NOX4: variants seen among roughly 807,000 people sequenced by gnomAD.
NOX4 encodes the protein NADPH oxidase 4.
NOX4 carries 69 observed loss-of-function variants against 87.6 expected under a neutral mutation model. The observed-to-expected ratio is 0.79, with a 90% CI of 0.65 to 0.96. The LOEUF (loss-of-function observed/expected upper bound fraction) is 0.96, where lower values mean the gene tolerates loss of function less well. NOX4 is among the 40% of genes least tolerant of loss of function. NOX4 has a pLI of 0.00. For missense variants in NOX4, 680 were observed against 681.5 expected (o/e 1.00, Z 0.02); for synonymous variants, 275 against 238.2 (o/e 1.15, Z -1.42).
intron 14 of NOX4, 111 bp downstream of exon 14, chr11:89,341,963 G>A (rs1946021869): frequency 1.0e-6 from 1 of 986,058 alleles, no homozygotes; most frequent in East Asian, 2.8e-5. Context: ...GGAGGTCCTT[G>A]ATCAACAAGT....
the NOX4 span, among the ~76,000 whole-genome samples, chr11:89,567,618 C>T: frequency 2.0e-5 from 3 of 152,254 alleles, no homozygotes; most frequent in South Asian, 4.1e-4. Flanking sequence ...GGGGAAGCCT[C>T]TTATAAAACC....
At chr11:89,355,615 A>G (rs565184425) in intron 12 of NOX4, among the ~76,000 whole-genome samples, 3 of 152,224 alleles carry the variant, frequency 2.0e-5, no homozygotes, top group African/African-American at 7.2e-5. Context: ...TAGCATTTAC[A>G]TCATGTAGCA....
chr11:89,544,543 A>G, the NOX4 span, among the ~76,000 whole-genome samples: 1 of 152,032 alleles, frequency 6.6e-6, no homozygotes, highest in Non-Finnish European at 1.5e-5. Flanking sequence ...GCAGCATTGT[A>G]TCTTAACATA....
intron 12 of NOX4, among the ~76,000 whole-genome samples, chr11:89,355,644 G>T (rs953043221): frequency 4.6e-5 from 7 of 152,026 alleles, no homozygotes. Flanking sequence ...ACAGAAATTA[G>T]TCTCCCAAGA....
the NOX4 span, among the ~76,000 whole-genome samples, chr11:89,557,809 C>T: frequency 2.0e-5 from 3 of 152,048 alleles, no homozygotes; most frequent in Non-Finnish European, 4.4e-5. Flanking sequence ...GGGTAAATGA[C>T]TCTCTGTTAT....
chr11:89,471,636 T>C (rs1407339543), intron 2 of NOX4, among the ~76,000 whole-genome samples: 2 of 152,210 alleles, frequency 1.3e-5, no homozygotes, highest in Non-Finnish European at 2.9e-5. Flanking sequence ...TAGTAGGCAT[T>C]CCATGGGAAC....
chr11:89,351,646 TA>T (rs1285755687), intron 13 of NOX4, among the ~76,000 whole-genome samples: 1 of 152,170 alleles, frequency 6.6e-6, no homozygotes, highest in African/African-American at 2.4e-5. Context: ...TTAAGGCCCG[TA>T]AGAATTATGC....
intron 2 of NOX4, among the ~76,000 whole-genome samples, chr11:89,486,428 C>T (rs1488931008): frequency 6.7e-6 from 1 of 149,436 alleles, no homozygotes; most frequent in Non-Finnish European, 1.5e-5. Flanking sequence ...CAAGTAGCTG[C>T]AATTACATGC....
At chr11:89,367,842 G>T (rs906491511) in intron 12 of NOX4, among the ~76,000 whole-genome samples, 2 of 151,970 alleles carry the variant, frequency 1.3e-5, no homozygotes, top group Non-Finnish European at 2.9e-5. Context: ...CCCCAGCCAG[G>T]CCTCCCAATA....
Position 89,456,864 on chromosome 11 carries a change from G to A in NOX4, c.154-4969C>T, listed in dbSNP as rs11018619. 1.1e-4 allele frequency among the ~76,000 whole-genome samples: 16 copies of A among 152,272 alleles called. No individual in the cohort carries two copies. The East Asian group carries it at 2.7e-3, about 26-fold the overall frequency. Reference sequence around the variant, plus strand: ...GACTCTCCATGGCCTTCTAAGTGACGTCAGCCTTTGAGAGACTGTTGGACC... The same window carrying A: ...GACTCTCCATGGCCTTCTAAGTGACATCAGCCTTTGAGAGACTGTTGGACC... On this transcript the variant is annotated intron_variant, in intron 2 of 17. Coordinates refer to ENST00000263317, the MANE Select transcript of NOX4 (RefSeq NM_016931.5).
At chr11:89,535,505 G>T in the NOX4 span, among the ~76,000 whole-genome samples, 10 of 152,072 alleles carry the variant, frequency 6.6e-5, no homozygotes, top group African/African-American at 2.4e-4. Flanking sequence ...TCCAAAGAAC[G>T]CCAGATGTTG....
chr11:89,399,959 A>C, intron 11 of NOX4, 58 bp downstream of exon 11: 6 of 1,327,562 alleles, frequency 4.5e-6, no homozygotes, highest in Non-Finnish European at 5.3e-6. Flanking sequence ...GGACACAAAA[A>C]AAGAAAAATA....
upstream of NOX4, among the ~76,000 whole-genome samples, chr11:89,495,933 A>T (rs1565358681): frequency 2.0e-5 from 3 of 152,310 alleles, no homozygotes; most frequent in East Asian, 3.9e-4. Context: ...AGAAAAGAGG[A>T]ACCTAGGAAA....
intron 9 of NOX4, among the ~76,000 whole-genome samples, chr11:89,401,303 C>T (rs1941840535): frequency 6.6e-6 from 1 of 152,080 alleles, no homozygotes; most frequent in Non-Finnish European, 1.5e-5. Flanking sequence ...CAATCACTTA[C>T]TCTTTGAGTG....
chr11:89,342,011 A>G, intron 14 of NOX4, 63 bp downstream of exon 14: 1 of 1,318,714 alleles, frequency 7.6e-7, no homozygotes, highest in Admixed American at 2.2e-5. Flanking sequence ...TACTAAAAAG[A>G]GAGATATCAG....
chr11:89,349,387 T>C (rs571925896), intron 13 of NOX4, among the ~76,000 whole-genome samples: 2 of 152,206 alleles, frequency 1.3e-5, no homozygotes, highest in Non-Finnish European at 2.9e-5. Context: ...ACAGAAATTA[T>C]TAAAGATAGA....
At chr11:89,503,739 G>T in the NOX4 span, among the ~76,000 whole-genome samples, 1 of 150,850 alleles carries the variant, frequency 6.6e-6, no homozygotes, top group African/African-American at 2.4e-5. Flanking sequence ...GGACAGGCTA[G>T]ACAATATCTA....
chr11:89,568,953 G>A, the NOX4 span, among the ~76,000 whole-genome samples: 1 of 152,160 alleles, frequency 6.6e-6, no homozygotes, highest in African/African-American at 2.4e-5. Context: ...TGGGTAACTG[G>A]CTAGCCATAT....
the NOX4 span, among the ~76,000 whole-genome samples, chr11:89,540,666 T>C: frequency 6.6e-6 from 1 of 151,458 alleles, no homozygotes; most frequent in African/African-American, 2.4e-5. Flanking sequence ...CGGGCACCTG[T>C]AGTCCCAGCT....
Sources: allele counts gnomAD v4.1 joint callset (sites outside exome capture counted in the v4.1 genomes callset), GRCh38; gene constraint gnomAD v4.1.1; transcripts MANE v1.5; gene names NCBI Gene and HGNC (gene_info 2026-07-23, HGNC 2026-07-21).